Variants in PEDS1 observed in about 807,000 individuals in gnomAD.
PEDS1 encodes the protein CarF homolog.
A neutral mutation model predicts 35.2 loss-of-function variants in PEDS1; 14 were observed. The observed-to-expected ratio is 0.40, with a 90% CI of 0.26 to 0.62. The LOEUF (loss-of-function observed/expected upper bound fraction) is 0.62. Ranked by LOEUF, PEDS1 falls within the 20% of genes least tolerant of loss-of-function variation. The pLI, the probability that PEDS1 is intolerant of heterozygous loss-of-function variation, is 0.44. For synonymous variants in PEDS1, 152 were observed against 152.0 expected, an observed-to-expected ratio of 1.00 and a Z score of 0.00; for missense variants, 260 against 367.8, an observed-to-expected ratio of 0.71 and a Z score of 2.40.
chr20:50,130,841 G>A lies in PEDS1; in HGVS notation c.333+15C>T, dbSNP rs746879567. The stretch of plus-strand genomic sequence containing the variant: ...AACCTCCTTCTTGAGGACATGGTTA[G>A]GTCAACATACTCACCTTCCCCACAA... On this transcript the variant is annotated intron_variant, in intron 3 of 5. Transcript: ENST00000371652. The A allele has an allele frequency of 1.2e-6, 2 of 1,613,726 alleles. No individual in the cohort carries two copies. Among genetic ancestry groups the A allele is most frequent in the African/African-American group, 2.7e-5 (2 of 75,036 alleles).
chr20:50,131,929 C>T (rs557070895), intron 2 of PEDS1, among the ~76,000 whole-genome samples: 30 of 152,098 alleles, frequency 2.0e-4, no homozygotes, highest in African/African-American at 6.5e-4. Flanking sequence ...TGCGACTGGG[C>T]GCCGTGGCTC....
intron 2 of PEDS1, among the ~76,000 whole-genome samples, chr20:50,141,071 G>T (rs568681526): frequency 2.6e-5 from 4 of 152,192 alleles, no homozygotes; most frequent in Admixed American, 2.0e-4. Flanking sequence ...CTCCCAGCCT[G>T]CACAGCACAC....
At chr20:50,130,287 A>G (rs995989613) in intron 3 of PEDS1, among the ~76,000 whole-genome samples, 5 of 152,106 alleles carry the variant, frequency 3.3e-5, no homozygotes, top group Admixed American at 2.0e-4. Context: ...CTGGAAGGAG[A>G]AGGACAGTTC....
At chr20:50,138,706 C>T (rs2081260895) in intron 2 of PEDS1, among the ~76,000 whole-genome samples, 1 of 152,248 alleles carries the variant, frequency 6.6e-6, no homozygotes, top group Admixed American at 6.5e-5. Flanking sequence ...TCTGAGGCTG[C>T]TTTAATGGGG....
chr20:50,153,676 G>T lies in PEDS1; in HGVS notation c.-39C>A. 1 of 1,210,024 alleles carries T rather than the reference G, an allele frequency of 8.3e-7. No homozygotes were observed. Among genetic ancestry groups the T allele is most frequent in the South Asian group, 4.1e-5 (1 of 24,230 alleles). The allele number at this position is 1,210,024 out of a possible 1,614,324, so 75.0% of individuals were successfully genotyped here. A position where few individuals can be genotyped will look rare whatever the true frequency, so the allele number is the denominator to read the frequency against. Reference sequence around the variant, plus strand: ...ATCGGCCCGGTGCGCTCTGCTGGCGGCGGCGGCGGCAGGGCCGCGGAACCG... The same window carrying T: ...ATCGGCCCGGTGCGCTCTGCTGGCGTCGGCGGCGGCAGGGCCGCGGAACCG... On this transcript the variant is annotated 5_prime_UTR_variant, in exon 1 of 6. Coordinates refer to ENST00000371652, the MANE Select transcript of PEDS1 (RefSeq NM_199129.4).
intron 2 of PEDS1, among the ~76,000 whole-genome samples, chr20:50,137,463 T>C (rs1419259640): frequency 1.3e-5 from 2 of 152,172 alleles, no homozygotes; most frequent in African/African-American, 4.8e-5. Flanking sequence ...AAATGGCACT[T>C]CACCTCTGAA....
At chr20:50,140,877 C>T (rs1163500462) in intron 2 of PEDS1, among the ~76,000 whole-genome samples, 3 of 152,136 alleles carry the variant, frequency 2.0e-5, no homozygotes, top group South Asian at 2.1e-4. Context: ...CTATTTAAAT[C>T]GATTAGGGAC....
chr20:50,130,810 C>G lies in PEDS1; in HGVS notation c.333+46G>C, dbSNP rs186773145. ...GAAAGGGGACTCACTCAAGGCCATA[C>G]AGCCCAACCTCCTTCTTGAGGACAT... On this transcript the variant is annotated intron_variant, in intron 3 of 5. Transcript: ENST00000371652. 6 of 1,610,842 alleles carry G rather than the reference C, an allele frequency of 3.7e-6. No homozygotes were observed. The South Asian group carries it at 6.6e-5, about 18-fold the overall frequency.
chr20:50,138,125 C>T (rs1411868414), intron 2 of PEDS1, among the ~76,000 whole-genome samples: 1 of 152,212 alleles, frequency 6.6e-6, no homozygotes, highest in Non-Finnish European at 1.5e-5. Flanking sequence ...CATATGGGGA[C>T]TCTCTGTACT....
intron 2 of PEDS1, among the ~76,000 whole-genome samples, chr20:50,133,067 C>G (rs1230912571): frequency 1.3e-5 from 2 of 152,290 alleles, no homozygotes; most frequent in Admixed American, 1.3e-4. Context: ...TGCCCTCAAC[C>G]CCTTGGTGAC....
At chr20:50,130,188 G>T (rs756117163) in intron 3 of PEDS1, among the ~76,000 whole-genome samples, 34 of 152,184 alleles carry the variant, frequency 2.2e-4, no homozygotes, top group Non-Finnish European at 4.4e-4. Flanking sequence ...CTGCCTGAGG[G>T]CCCAGCACGT....
chr20:50,143,999 G>A (rs892491385), intron 1 of PEDS1, among the ~76,000 whole-genome samples: 2 of 151,922 alleles, frequency 1.3e-5, no homozygotes, highest in African/African-American at 4.8e-5. Context: ...ACCTGGCCAG[G>A]AGCTTTTCAA....
intron 1 of PEDS1, 61 bp from the exon 2 acceptor site, chr20:50,143,682 C>A: frequency 6.4e-7 from 1 of 1,572,480 alleles, no homozygotes; most frequent in South Asian, 1.2e-5. Flanking sequence ...GAGTGTGGCC[C>A]CATGGGAACT....
chr20:50,139,231 T>A (rs1367135049), intron 2 of PEDS1, among the ~76,000 whole-genome samples: 2 of 152,222 alleles, frequency 1.3e-5, no homozygotes, highest in Non-Finnish European at 2.9e-5. Context: ...CACGAAGGAC[T>A]CTGCTCCTTT....
chr20:50,148,952 A>C lies in PEDS1; in HGVS notation c.121+4565T>G, dbSNP rs1006984004. Among the ~76,000 whole-genome samples the C allele has an allele frequency of 2.0e-5, 3 of 152,182 alleles. No individual in the cohort carries two copies. The South Asian group carries it at 6.2e-4, about 32-fold the overall frequency. On this transcript the variant is annotated intron_variant, in intron 1 of 5. Coordinates refer to ENST00000371652, the MANE Select transcript of PEDS1 (RefSeq NM_199129.4). ...ATAACTAGATCCTGCCTCTACAAAA[A>C]TAAAAATAAAAATTAGCTGGGCGTG...
At chr20:50,140,434 C>T (rs2081280616) in intron 2 of PEDS1, among the ~76,000 whole-genome samples, 1 of 152,288 alleles carries the variant, frequency 6.6e-6, no homozygotes, top group Non-Finnish European at 1.5e-5. Flanking sequence ...ACATCTGCTT[C>T]CAGTGCCTTG....
At position 50,153,601 on chromosome 20, in the gene PEDS1, C is replaced by T. The variant is rs1236546208; in HGVS notation, c.37G>A (p.Glu13Lys). The T allele has an allele frequency of 1.4e-6, 2 of 1,408,540 alleles. No individual in the cohort carries two copies. The highest frequency in any genetic ancestry group is 5.1e-5 in the Admixed American group (2 of 39,116). The allele number at this position is 1,408,540 out of a possible 1,614,324, so 87.3% of individuals were successfully genotyped here. ...GAENWPGQQL[E>K]LDEDEASCCR... is the part of the protein sequence containing the mutation. ...CAAGACGCCTCGTCCTCGTCCAGCT[C>T]CAGCTGCTGGCCCGGCCAGTTCTCG... The change falls in exon 1 of 6, where the codon GAG (glutamate) becomes AAG (lysine). Residue 13 changes from glutamate (E) to lysine (K), a missense_variant. This residue lies in a region of PEDS1 where 114 missense variants were observed against 121.6 expected (regional missense o/e 0.94). Coordinates refer to ENST00000371652, the MANE Select transcript of PEDS1 (RefSeq NM_199129.4).
intron 2 of PEDS1, among the ~76,000 whole-genome samples, chr20:50,141,621 T>C (rs2081292325): frequency 6.6e-6 from 1 of 152,150 alleles, no homozygotes; most frequent in Non-Finnish European, 1.5e-5. Flanking sequence ...TAAACCCAGG[T>C]TTGTAGAGGC....
At chr20:50,130,772 CAGTCTT>C (rs1314446508) in intron 3 of PEDS1, 78 bp downstream of exon 3, 3 of 1,528,206 alleles carry the variant, frequency 2.0e-6, no homozygotes, top group African/African-American at 1.4e-5. Flanking sequence ...GATAGGGAAA[CAGTCTT>C]AGAGAAGAAA....
Sources: gnomAD v4.1 joint callset for allele counts (sites outside exome capture counted in the v4.1 genomes callset) on GRCh38, gnomAD v4.1.1 for gene constraint, gnomAD v4.1.1 regional missense constraint, MANE v1.5 for transcripts, NCBI Gene and HGNC (gene_info 2026-07-23, HGNC 2026-07-21) for gene names.